The following KIAA1328 variants were observed in gnomAD, a reference collection of about 807,000 sequenced individuals.
KIAA1328 encodes the protein protein hinderin.
KIAA1328 carries 52 observed loss-of-function variants against 68.1 expected under a neutral mutation model. The ratio of observed to expected loss-of-function variants is 0.76; its 90% CI spans 0.61 to 0.96. KIAA1328 has a LOEUF of 0.96. Ranked by LOEUF, KIAA1328 falls within the 40% of genes least tolerant of loss-of-function variation. KIAA1328 has a pLI of 0.00. For missense variants in KIAA1328, 641 were observed against 677.6 expected, an observed-to-expected ratio of 0.95 and a Z score of 0.60; for synonymous variants, 232 against 239.4, an observed-to-expected ratio of 0.97 and a Z score of 0.28.
chr18:36,950,287 C>T (rs757015392), intron 5 of KIAA1328, among the ~76,000 whole-genome samples: 8 of 152,124 alleles, frequency 5.3e-5, no homozygotes, highest in Non-Finnish European at 8.8e-5. Context: ...ATATTTTAAG[C>T]ATCTTCTTGG....
intron 7 of KIAA1328, among the ~76,000 whole-genome samples, chr18:37,123,960 A>G (rs544780338): frequency 3.3e-5 from 5 of 152,296 alleles, no homozygotes; most frequent in Non-Finnish European, 7.4e-5. Context: ...GTGGAAAACC[A>G]TATAGGTGCC....
intron 5 of KIAA1328, among the ~76,000 whole-genome samples, chr18:36,887,980 C>A (rs758688056): frequency 6.6e-6 from 1 of 152,098 alleles, no homozygotes; most frequent in Non-Finnish European, 1.5e-5. Context: ...TTGTGGTTAT[C>A]TGGAAAAGTA....
intron 6 of KIAA1328, among the ~76,000 whole-genome samples, chr18:37,006,946 G>A (rs1438333661): frequency 6.6e-6 from 1 of 152,168 alleles, no homozygotes; most frequent in Non-Finnish European, 1.5e-5. Context: ...AGCAATGCCT[G>A]AGTAATAACA....
At chr18:36,911,939 A>G (rs2049468763) in intron 5 of KIAA1328, among the ~76,000 whole-genome samples, 1 of 152,140 alleles carries the variant, frequency 6.6e-6, no homozygotes, top group South Asian at 2.1e-4. Flanking sequence ...TTTACTGGGA[A>G]TAGGAAAATC....
At chr18:36,986,392 C>T (rs554874618) in intron 6 of KIAA1328, among the ~76,000 whole-genome samples, 1 of 150,304 alleles carries the variant, frequency 6.7e-6, no homozygotes, top group East Asian at 2.0e-4. Flanking sequence ...TAGAAGAAAA[C>T]CTAGGCATTA....
rs547725995 is a variant in KIAA1328, at chr18:37,059,732, A to G, written c.577-7158A>G. 1.1e-3 allele frequency among the ~76,000 whole-genome samples: 166 copies of G among 152,344 alleles called. 3 individuals are homozygous for G. Among genetic ancestry groups the G allele is most frequent in the African/African-American group, 3.9e-3 (161 of 41,584 alleles). On this transcript the variant is annotated intron_variant, in intron 6 of 9. Transcript: ENST00000280020. ...ATAAATCATTCTGCTATAAAGACACATGCATATGTATGTTTATTGTGGCAC... is the reference window on the plus strand; with the variant it reads ...ATAAATCATTCTGCTATAAAGACACGTGCATATGTATGTTTATTGTGGCAC...
At chr18:37,076,403 C>G (rs1276741561) in intron 7 of KIAA1328, among the ~76,000 whole-genome samples, 15 of 151,926 alleles carry the variant, frequency 9.9e-5, no homozygotes, top group Non-Finnish European at 2.1e-4. Context: ...AATTGACACC[C>G]TAACATCCCA....
At chr18:37,165,296 A>T (rs1416418931) in intron 8 of KIAA1328, among the ~76,000 whole-genome samples, 2 of 152,198 alleles carry the variant, frequency 1.3e-5, no homozygotes, top group Non-Finnish European at 2.9e-5. Flanking sequence ...ATTACAATAT[A>T]GAATACAATG....
intron 7 of KIAA1328, among the ~76,000 whole-genome samples, chr18:37,118,796 G>C (rs2058191740): frequency 6.6e-6 from 1 of 152,106 alleles, no homozygotes; most frequent in Non-Finnish European, 1.5e-5. Flanking sequence ...ATGGTTAGTT[G>C]GAGCCATTTC....
rs561735608 is a variant in KIAA1328 at position 37,089,524 on chromosome 18, G to A, written c.1232+21979G>A. 1.6e-4 allele frequency among the ~76,000 whole-genome samples: 24 copies of A among 151,922 alleles called. No homozygotes were observed. In the South Asian group the frequency reaches 4.2e-3, roughly 26 times the overall value. ...CGAGTAGCTGGGACTACAGGTGCAC[G>A]CCGCCATGCCCGGCTAATTTTTGTA... On this transcript the variant is annotated intron_variant, in intron 7 of 9. Coordinates refer to ENST00000280020, the MANE Select transcript of KIAA1328 (RefSeq NM_020776.3).
chr18:37,133,665 A>G (rs1007227408), intron 7 of KIAA1328, among the ~76,000 whole-genome samples: 5 of 151,194 alleles, frequency 3.3e-5, no homozygotes, highest in Admixed American at 6.6e-5. Flanking sequence ...AGCTGGAACT[A>G]CAGGTGCCTG....
intron 5 of KIAA1328, among the ~76,000 whole-genome samples, chr18:36,925,347 G>A (rs1402498944): frequency 6.6e-6 from 1 of 152,136 alleles, no homozygotes; most frequent in Non-Finnish European, 1.5e-5. Flanking sequence ...AAGAAGGGCT[G>A]AGCTGACTGA....
At chr18:36,977,361 A>G (rs994864000) in intron 6 of KIAA1328, among the ~76,000 whole-genome samples, 18 of 152,286 alleles carry the variant, frequency 1.2e-4, no homozygotes, top group African/African-American at 3.1e-4. Flanking sequence ...GATTTTGTCA[A>G]TCTATTGCTC....
intron 6 of KIAA1328, among the ~76,000 whole-genome samples, chr18:37,034,792 A>G (rs559664178): frequency 2.6e-5 from 4 of 152,194 alleles, no homozygotes; most frequent in Non-Finnish European, 4.4e-5. Context: ...AATAAAAGCA[A>G]ATTCAGATGA....
chr18:36,924,509 G>A (rs1396931679), intron 5 of KIAA1328, among the ~76,000 whole-genome samples: 2 of 152,152 alleles, frequency 1.3e-5, no homozygotes, highest in Non-Finnish European at 2.9e-5. Flanking sequence ...GTGGGGAAAA[G>A]CAGACTTTGA....
intron 5 of KIAA1328, among the ~76,000 whole-genome samples, chr18:36,886,648 A>G (rs1006162490): frequency 1.3e-5 from 2 of 152,196 alleles, no homozygotes; most frequent in Non-Finnish European, 2.9e-5. Flanking sequence ...TGGGTATTGT[A>G]TGCAGCAATA....
intron 7 of KIAA1328, among the ~76,000 whole-genome samples, chr18:37,113,156 G>T (rs899892435): frequency 6.6e-6 from 1 of 152,072 alleles, no homozygotes; most frequent in Non-Finnish European, 1.5e-5. Context: ...GAAATACAGA[G>T]AATGCCACAA....
intron 7 of KIAA1328, among the ~76,000 whole-genome samples, chr18:37,143,521 C>CTTTTTTTTTTTTTTTTTTTTTTTTTTTT (rs57046567): frequency 1.1e-5 from 1 of 90,778 alleles, no homozygotes; most frequent in African/African-American, 4.8e-5. Context: ...TTTTTTCTTT[C>CTTTTTTTTTTTTTTTTTTTTTTTTTTTT]TTTTTTTTTT....
At chr18:37,040,961 A>G (rs1220258054) in intron 6 of KIAA1328, among the ~76,000 whole-genome samples, 1 of 151,652 alleles carries the variant, frequency 6.6e-6, no homozygotes, top group Non-Finnish European at 1.5e-5. Flanking sequence ...AAATTTTTTA[A>G]TTTTAAAAAA....
Sources: gnomAD v4.1 joint callset for allele counts (sites outside exome capture counted in the v4.1 genomes callset) on GRCh38, gnomAD v4.1.1 for gene constraint, MANE v1.5 for transcripts, NCBI Gene and HGNC (gene_info 2026-07-23, HGNC 2026-07-21) for gene names.